RBMS3: variants seen among roughly 807,000 people sequenced by gnomAD.
The protein encoded by RBMS3 is RNA-binding motif, single-stranded-interacting protein 3.
Under a neutral mutation model 66.8 loss-of-function variants are expected in RBMS3, and 27 were observed. The ratio of observed to expected loss-of-function variants is 0.40; its 90% confidence interval spans 0.30 to 0.56. The LOEUF is 0.56. Among genes scored for constraint, RBMS3 ranks in the 20% least tolerant of loss-of-function variants. The pLI, the probability that RBMS3 is intolerant of heterozygous loss-of-function variation, is 0.40. For missense variants in RBMS3, 513 were observed against 549.5 expected (o/e 0.93, Z 0.66); for synonymous variants, 188 against 183.0 (o/e 1.03, Z -0.22).
chr3:29,314,401 T>C (rs1057096951), intron 1 of RBMS3, among the ~76,000 whole-genome samples: 1 of 151,662 alleles, frequency 6.6e-6, no homozygotes, highest in African/African-American at 2.4e-5. Context: ...ATTTTACACA[T>C]TAGGAAATTG....
intron 6 of RBMS3, among the ~76,000 whole-genome samples, chr3:29,806,313 A>G (rs1192314773): frequency 2.6e-5 from 4 of 151,998 alleles, no homozygotes; most frequent in African/African-American, 9.7e-5. Flanking sequence ...AATCAGCTAA[A>G]TGACAAAATG....
At chr3:29,759,674 A>C (rs2055576515) in intron 5 of RBMS3, among the ~76,000 whole-genome samples, 1 of 151,596 alleles carries the variant, frequency 6.6e-6, no homozygotes, top group Admixed American at 6.6e-5. Context: ...AAATGGGCAC[A>C]TTCTTCCTAA....
chr3:29,484,534 C>T (rs534738552), intron 2 of RBMS3, among the ~76,000 whole-genome samples: 1 of 152,158 alleles, frequency 6.6e-6, no homozygotes, highest in African/African-American at 2.4e-5. Context: ...AATACAGTCA[C>T]ATTCTGAGGT....
At chr3:29,377,789 C>T (rs1271498306) in intron 1 of RBMS3, among the ~76,000 whole-genome samples, 1 of 152,144 alleles carries the variant, frequency 6.6e-6, no homozygotes, top group Non-Finnish European at 1.5e-5. Flanking sequence ...ATATGACCCC[C>T]AATACTGGGT....
chr3:29,537,251 T>C (rs556040748), intron 3 of RBMS3, among the ~76,000 whole-genome samples: 1 of 152,280 alleles, frequency 6.6e-6, no homozygotes, highest in African/African-American at 2.4e-5. Flanking sequence ...TCCAGTGGAA[T>C]TTGAAATGGT....
At chr3:29,574,252 C>A (rs752778721) in intron 3 of RBMS3, among the ~76,000 whole-genome samples, 1 of 152,056 alleles carries the variant, frequency 6.6e-6, no homozygotes, top group Non-Finnish European at 1.5e-5. Flanking sequence ...GTGTTGGGTG[C>A]ACATATATTT....
At chr3:29,748,219 T>C (rs746592456) in intron 5 of RBMS3, among the ~76,000 whole-genome samples, 5 of 151,998 alleles carry the variant, frequency 3.3e-5, no homozygotes, top group Non-Finnish European at 7.4e-5. Context: ...GAAAAGGAAG[T>C]AGAAAACCTA....
Position 29,434,689 on chromosome 3 carries a change from C to T in RBMS3, c.76-54C>T, listed in dbSNP as rs961894642. ...ATTGATTTCAAGTTGTGCTGCTGGCCTGTGAATAGGTGCTGGCTTTTGTTT... is the reference window on the plus strand; with the variant it reads ...ATTGATTTCAAGTTGTGCTGCTGGCTTGTGAATAGGTGCTGGCTTTTGTTT... On this transcript the variant is annotated intron_variant, in intron 1 of 14. Coordinates refer to ENST00000383767, the MANE Select transcript of RBMS3 (RefSeq NM_001003793.3). The T allele has an allele frequency of 1.9e-5, 30 of 1,571,556 alleles. No individual in the cohort carries two copies. In the Admixed American group the frequency reaches 2.3e-4, roughly 12 times the overall value.
At chr3:29,481,682 A>C (rs2125819960) in intron 2 of RBMS3, among the ~76,000 whole-genome samples, 1 of 152,324 alleles carries the variant, frequency 6.6e-6, no homozygotes, top group African/African-American at 2.4e-5. Context: ...TGAGTGAAGA[A>C]GAAACTGTGA....
intron 3 of RBMS3, among the ~76,000 whole-genome samples, chr3:29,585,094 G>GT (rs1167582075): frequency 3.3e-5 from 5 of 152,076 alleles, no homozygotes; most frequent in African/African-American, 4.8e-5. Flanking sequence ...GGGAACTGAG[G>GT]TTTTCTCCCA....
intron 14 of RBMS3, among the ~76,000 whole-genome samples, chr3:29,999,411 G>A (rs1699464954): frequency 6.6e-6 from 1 of 152,148 alleles, no homozygotes; most frequent in Non-Finnish European, 1.5e-5. Flanking sequence ...TCCCATTACT[G>A]GGTATATACC....
intron 10 of RBMS3, among the ~76,000 whole-genome samples, chr3:29,913,747 C>A (rs116690898): frequency 9.2e-5 from 14 of 151,892 alleles, no homozygotes; most frequent in African/African-American, 3.4e-4. Context: ...ACCATTTCTG[C>A]ATAACAATGT....
At chr3:29,847,272 G>T (rs1259131376) in intron 6 of RBMS3, among the ~76,000 whole-genome samples, 2 of 152,184 alleles carry the variant, frequency 1.3e-5, no homozygotes, top group Non-Finnish European at 2.9e-5. Context: ...ACATTGTGTG[G>T]ATACTTAATA....
chr3:29,844,224 A>G (rs1227960930), intron 6 of RBMS3, among the ~76,000 whole-genome samples: 1 of 152,064 alleles, frequency 6.6e-6, no homozygotes, highest in East Asian at 1.9e-4. Context: ...GTGCTGAGAA[A>G]GCTCTTTGTT....
At chr3:29,807,981 T>G (rs1189196763) in intron 6 of RBMS3, among the ~76,000 whole-genome samples, 1 of 151,948 alleles carries the variant, frequency 6.6e-6, no homozygotes, top group Non-Finnish European at 1.5e-5. Context: ...TAATTTAATG[T>G]TAACAAAATT....
chr3:29,994,863 T>C (rs369455423), intron 14 of RBMS3, among the ~76,000 whole-genome samples: 8 of 150,632 alleles, frequency 5.3e-5, no homozygotes, highest in East Asian at 2.0e-4. Context: ...AAACGCAGAG[T>C]GCCTCTCCTC....
intron 3 of RBMS3, among the ~76,000 whole-genome samples, chr3:29,512,686 G>A (rs1308656326): frequency 6.6e-6 from 1 of 152,136 alleles, no homozygotes; most frequent in African/African-American, 2.4e-5. Flanking sequence ...AACAAAAAGC[G>A]GCGGTGGTAC....
chr3:29,895,934 T>C (rs1392977759), intron 8 of RBMS3, among the ~76,000 whole-genome samples: 1 of 151,420 alleles, frequency 6.6e-6, no homozygotes, highest in Non-Finnish European at 1.5e-5. Flanking sequence ...ATTTTCTCTT[T>C]TTGTCATTAT....
At chr3:29,788,693 AT>A (rs1202703724) in intron 6 of RBMS3, among the ~76,000 whole-genome samples, 1 of 152,242 alleles carries the variant, frequency 6.6e-6, no homozygotes, top group Non-Finnish European at 1.5e-5. Context: ...CAATATAAAA[AT>A]GAAAAGTAAA....
Sources: allele counts gnomAD v4.1 joint callset (sites outside exome capture counted in the v4.1 genomes callset), GRCh38; gene constraint gnomAD v4.1.1; transcripts MANE v1.5; gene names NCBI Gene and HGNC (gene_info 2026-07-23, HGNC 2026-07-21).